The following DMD variants were observed in gnomAD, a reference collection of about 807,000 sequenced individuals.
DMD encodes the protein dystrophin, also known as mutant dystrophin.
A neutral mutation model predicts 330.1 loss-of-function variants in DMD; 63 were observed. That is an observed-to-expected ratio of 0.19 (90% CI 0.16 to 0.24). The LOEUF (loss-of-function observed/expected upper bound fraction) is 0.24. Among genes scored for constraint, DMD ranks in the 10% least tolerant of loss-of-function variants. The pLI is 1.00. For missense variants in DMD, 3,344 were observed against 2,684.1 expected, an observed-to-expected ratio of 1.25 and a Z score of -5.43; for synonymous variants, 1,223 against 959.8, an observed-to-expected ratio of 1.27 and a Z score of -5.07.
intron 36 of DMD, 67 bp downstream of exon 36, chrX:32,364,515 T>G: frequency 8.8e-7 from 1 of 1,131,587 alleles, no homozygotes; most frequent in East Asian, 3.0e-5. Context: ...TAGTATCTTT[T>G]AGGACAAAGA....
At chrX:32,625,131 A>C (rs1352248682) in intron 11 of DMD, among the ~76,000 whole-genome samples, 1 of 111,941 alleles carries the variant, frequency 8.9e-6, no homozygotes, top group African/African-American at 3.2e-5. Context: ...AGTTCGCACC[A>C]TTAGACTCCA....
intron 1 of DMD, among the ~76,000 whole-genome samples, chrX:33,233,115 C>A (rs886229905): frequency 4.5e-5 from 5 of 111,505 alleles, no homozygotes; most frequent in Non-Finnish European, 9.4e-5. Flanking sequence ...TATGAGGTAA[C>A]AGATTCATTA....
chrX:31,735,986 C>T (rs2086845088), intron 51 of DMD, among the ~76,000 whole-genome samples: 1 of 111,347 alleles, frequency 9.0e-6, no homozygotes, highest in Non-Finnish European at 1.9e-5. Context: ...CTACTGTTGC[C>T]ATCTTGAAAT....
At chrX:31,776,887 C>CAGATA (rs1195484790) in intron 50 of DMD, among the ~76,000 whole-genome samples, 1 of 111,898 alleles carries the variant, frequency 8.9e-6, no homozygotes, top group Non-Finnish European at 1.9e-5. Flanking sequence ...CAGTCATGGG[C>CAGATA]AGATAATCTC....
intron 44 of DMD, among the ~76,000 whole-genome samples, chrX:32,186,733 A>T (rs1300888458): frequency 1.8e-5 from 2 of 111,205 alleles, no homozygotes; most frequent in Non-Finnish European, 3.8e-5. Flanking sequence ...TTAGCTTGAT[A>T]TTGGAAAGTA....
intron 48 of DMD, among the ~76,000 whole-genome samples, chrX:31,848,817 G>A (rs1288429680): frequency 9.1e-6 from 1 of 109,896 alleles, no homozygotes; most frequent in East Asian, 2.8e-4. Flanking sequence ...TTATTAAATG[G>A]CATTACTAAT....
At chrX:33,214,859 C>T (rs1032844224), upstream of DMD, among the ~76,000 whole-genome samples, 24 of 111,774 alleles carry the variant, frequency 2.1e-4, no homozygotes, top group African/African-American at 7.5e-4. Context: ...TGTTATGTTG[C>T]GCAGGCTGGT....
At chrX:32,534,730 C>T (rs2047796498) in intron 17 of DMD, among the ~76,000 whole-genome samples, 1 of 111,322 alleles carries the variant, frequency 9.0e-6, no homozygotes, top group African/African-American at 3.3e-5. Flanking sequence ...GCCCTAATCT[C>T]CTCAGAAGAG....
intron 61 of DMD, among the ~76,000 whole-genome samples, chrX:31,344,044 G>A (rs867955180): frequency 9.7e-6 from 1 of 103,234 alleles, no homozygotes; most frequent in Non-Finnish European, 2.0e-5. Context: ...GTGCGGGGGG[G>A]GGTGGATTAT....
intron 47 of DMD, among the ~76,000 whole-genome samples, chrX:31,928,936 G>A (rs758002711): frequency 3.6e-5 from 4 of 111,881 alleles, no homozygotes; most frequent in Admixed American, 9.5e-5. Context: ...CTTGATTTAT[G>A]ACAAAGATGC....
At chrX:32,470,842 C>A (rs1218509547) in intron 22 of DMD, among the ~76,000 whole-genome samples, 1 of 112,059 alleles carries the variant, frequency 8.9e-6, no homozygotes, top group Non-Finnish European at 1.9e-5. Flanking sequence ...AAAAAAAATT[C>A]TATGTGATAA....
intron 2 of DMD, among the ~76,000 whole-genome samples, chrX:32,893,466 G>A (rs200918820): frequency 1.3e-5 from 1 of 77,577 alleles, no homozygotes; most frequent in African/African-American, 4.6e-5. Flanking sequence ...AGATATATGT[G>A]AATTACCTTG....
At chrX:32,762,812 C>T (rs1322339112) in intron 7 of DMD, among the ~76,000 whole-genome samples, 1 of 110,902 alleles carries the variant, frequency 9.0e-6, no homozygotes, top group Admixed American at 9.7e-5. Flanking sequence ...GTAGAGTCTT[C>T]AGAAGGTGTT....
intron 34 of DMD, among the ~76,000 whole-genome samples, chrX:32,366,731 C>T (rs1205194456): frequency 8.9e-6 from 1 of 111,962 alleles, no homozygotes; most frequent in African/African-American, 3.2e-5. Flanking sequence ...CACTCGAAAT[C>T]ACTTCTCATA....
At chrX:32,225,607 G>A (rs1419647948) in intron 43 of DMD, among the ~76,000 whole-genome samples, 2 of 111,315 alleles carry the variant, frequency 1.8e-5, no homozygotes, top group East Asian at 5.7e-4. Flanking sequence ...GGTGAGAGGT[G>A]ACTGGATCAT....
chrX:32,725,692 G>C (rs1471736584), intron 7 of DMD, among the ~76,000 whole-genome samples: 2 of 111,212 alleles, frequency 1.8e-5, no homozygotes, highest in Admixed American at 1.9e-4. Flanking sequence ...AGGCTGAGTA[G>C]GGTACTAGGG....
chrX:33,143,033 T>C (rs920781793), intron 1 of DMD, among the ~76,000 whole-genome samples: 4 of 111,554 alleles, frequency 3.6e-5, no homozygotes, highest in African/African-American at 9.7e-5. Flanking sequence ...TAGAAGTTAA[T>C]CACAAGTAAA....
intron 42 of DMD, among the ~76,000 whole-genome samples, chrX:32,289,431 C>T (rs1255316775): frequency 9.0e-6 from 1 of 110,599 alleles, no homozygotes; most frequent in Non-Finnish European, 1.9e-5. Flanking sequence ...CAGAGGCGTT[C>T]GAACTAGAAC....
At chrX:31,366,320 A>C (rs1029429479) in intron 60 of DMD, among the ~76,000 whole-genome samples, 22 of 108,263 alleles carry the variant, frequency 2.0e-4, no homozygotes, top group East Asian at 2.9e-4. Context: ...GAGCAGAAAG[A>C]TATGAGCAGA....
Sources: allele counts gnomAD v4.1 joint callset (sites outside exome capture counted in the v4.1 genomes callset), GRCh38; gene constraint gnomAD v4.1.1; transcripts MANE v1.5; gene names NCBI Gene and HGNC (gene_info 2026-07-23, HGNC 2026-07-21).